SYN2: variants seen among roughly 807,000 people sequenced by gnomAD.
SYN2 encodes synapsin-2.
Under a neutral mutation model 50.9 loss-of-function variants are expected in SYN2, and 19 were observed. The ratio of observed to expected loss-of-function variants is 0.37; its 90% CI spans 0.26 to 0.55. SYN2 has a LOEUF of 0.55. Among genes scored for constraint, SYN2 ranks in the 20% least tolerant of loss-of-function variants. SYN2 has a pLI of 0.81. For synonymous variants in SYN2, 255 were observed against 224.9 expected, an observed-to-expected ratio of 1.13 and a Z score of -1.20; for missense variants, 587 against 576.4, an observed-to-expected ratio of 1.02 and a Z score of -0.19.
rs1051912290 is a variant in SYN2, at chr3:12,191,201, ATATTCGG to A, written c.*577_*583del. 67 of 984,276 alleles carry A rather than the reference ATATTCGG, an allele frequency of 6.8e-5. No individual in the cohort carries two copies. The highest frequency in any genetic ancestry group is 7.4e-5 in the Non-Finnish European group (61 of 829,030). 61.0% of individuals were successfully genotyped at this position (984,276 alleles called of 1,614,324 possible). A position where few individuals can be genotyped will look rare whatever the true frequency, so the allele number is the denominator to read the frequency against. The stretch of plus-strand genomic sequence containing the variant: ...GTGGTGAAGCACCTTGAGTCTGCTG[ATATTCGG>A]GAGAACAAGGATCTGCAGTTTCCCC... On this transcript the variant is annotated 3_prime_UTR_variant, in exon 13 of 13. Coordinates refer to ENST00000621198, the MANE Select transcript of SYN2 (RefSeq NM_133625.6).
intron 1 of SYN2, among the ~76,000 whole-genome samples, chr3:12,012,080 T>C (rs1003787905): frequency 6.6e-6 from 1 of 152,194 alleles, no homozygotes; most frequent in African/African-American, 2.4e-5. Flanking sequence ...TTTTTGTTGT[T>C]GTTATTTAGT....
chr3:12,065,691 G>A (rs924332580), intron 1 of SYN2, among the ~76,000 whole-genome samples: 2 of 152,186 alleles, frequency 1.3e-5, no homozygotes, highest in African/African-American at 2.4e-5. Flanking sequence ...TAGACACTGG[G>A]GACTACTTGA....
At chr3:12,142,023 A>T in intron 3 of SYN2, 27 bp downstream of exon 3, 1 of 780,234 alleles carries the variant, frequency 1.3e-6, no homozygotes. Flanking sequence ...CCTCAGGATC[A>T]TTGTGACTGT....
At position 12,151,332 on chromosome 3, in the gene SYN2, TG is replaced by T; in HGVS notation, c.774+8del. On this transcript the variant is annotated splice_region_variant and intron_variant, in intron 5 of 12. Transcript: ENST00000621198. ...ACCCCAACCACAAAGAGATGGTAAG[TG>T]GCTCAGTGGGGACATTAGTCTTTCT... The T allele has an allele frequency of 1.2e-6, 2 of 1,607,802 alleles. No individual in the cohort carries two copies. The highest frequency in any genetic ancestry group is 2.2e-5 in the South Asian group (2 of 90,264).
intron 1 of SYN2, among the ~76,000 whole-genome samples, chr3:12,119,721 C>T (rs1696510667): frequency 6.6e-6 from 1 of 152,140 alleles, no homozygotes; most frequent in Non-Finnish European, 1.5e-5. Context: ...GTCAGGAAAG[C>T]TTTTGGGATC....
chr3:12,141,331 C>T (rs893956725), intron 2 of SYN2, among the ~76,000 whole-genome samples: 2 of 151,990 alleles, frequency 1.3e-5, no homozygotes, highest in Admixed American at 1.3e-4. Context: ...AGTTTCTCAT[C>T]ATTCATTATA....
rs76011912 is a variant in SYN2, at chr3:12,115,512, A to G, written c.378-25139A>G. Among the ~76,000 whole-genome samples, 441 of 152,310 alleles carry G rather than the reference A, an allele frequency of 2.9e-3. 3 individuals are homozygous for G. The highest frequency in any genetic ancestry group is 9.8e-3 in the African/African-American group (408 of 41,570). On this transcript the variant is annotated intron_variant, in intron 1 of 12. Transcript: ENST00000621198. ...TGTGAAAAGCGTGAATTTTTGTGCC[A>G]TATATCAGATGAAACCTTCTAGGAT...
At chr3:12,184,345 A>C (rs1188573514) in intron 11 of SYN2, 1 of 985,732 alleles carries the variant, frequency 1.0e-6, no homozygotes, top group Non-Finnish European at 1.2e-6. Context: ...TGTGGACCTG[A>C]GGCTGCTTTC....
intron 1 of SYN2, among the ~76,000 whole-genome samples, chr3:12,054,352 A>C (rs967792812): frequency 2.6e-5 from 4 of 152,168 alleles, no homozygotes; most frequent in Non-Finnish European, 4.4e-5. Context: ...AAGATCCTAC[A>C]TAGTGGCACT....
chr3:12,156,120 G>A (rs1227219352), intron 5 of SYN2, among the ~76,000 whole-genome samples: 1 of 152,192 alleles, frequency 6.6e-6, no homozygotes, highest in Non-Finnish European at 1.5e-5. Flanking sequence ...TGCTGAATGT[G>A]TGGATAGATC....
At chr3:12,152,615 C>T (rs1036378721) in intron 5 of SYN2, among the ~76,000 whole-genome samples, 9 of 152,146 alleles carry the variant, frequency 5.9e-5, no homozygotes, top group African/African-American at 9.7e-5. Flanking sequence ...TATTTCTCTC[C>T]GGTGCTCTAT....
intron 10 of SYN2, among the ~76,000 whole-genome samples, chr3:12,176,826 A>G (rs1421277142): frequency 5.9e-5 from 9 of 152,244 alleles, no homozygotes; most frequent in Non-Finnish European, 1.3e-4. Flanking sequence ...AACTGATTCC[A>G]AAAGGCAAAT....
intron 1 of SYN2, among the ~76,000 whole-genome samples, chr3:12,016,521 A>T (rs529452465): frequency 5.3e-5 from 8 of 152,342 alleles, no homozygotes; most frequent in African/African-American, 1.9e-4. Context: ...TTGTGTCACC[A>T]TAGGCAGTTT....
At chr3:12,074,974 T>C (rs1293797916) in intron 1 of SYN2, among the ~76,000 whole-genome samples, 1 of 152,188 alleles carries the variant, frequency 6.6e-6, no homozygotes, top group South Asian at 2.1e-4. Context: ...TCTTTCTTGT[T>C]ATCAAAGGAA....
intron 1 of SYN2, among the ~76,000 whole-genome samples, chr3:12,060,658 C>T (rs1695094188): frequency 6.6e-6 from 1 of 152,060 alleles, no homozygotes; most frequent in Non-Finnish European, 1.5e-5. Flanking sequence ...CAGGGAAGCC[C>T]AAAGACAACA....
intron 9 of SYN2, 127 bp from the exon 10 acceptor site, chr3:12,169,630 A>G (rs1697891511): frequency 6.9e-6 from 7 of 1,016,072 alleles, no homozygotes; most frequent in Non-Finnish European, 4.3e-6. Flanking sequence ...TTCCAGCTGA[A>G]GAGAAGAACT....
chr3:12,050,836 C>T (rs910858522), intron 1 of SYN2, among the ~76,000 whole-genome samples: 17 of 143,128 alleles, frequency 1.2e-4, no homozygotes, highest in South Asian at 7.0e-4. Flanking sequence ...CCCGGGTTCA[C>T]GCCATTCTCC....
At position 12,109,647 on chromosome 3, in the gene SYN2, T is replaced by C. The variant is rs114683565; in HGVS notation, c.378-31004T>C. Among the ~76,000 whole-genome samples, 813 of 152,286 alleles carry C rather than the reference T, an allele frequency of 5.3e-3. 11 individuals carry two copies. The highest frequency in any genetic ancestry group is 0.019 in the African/African-American group (770 of 41,556). ...CCTTCCACCTCCAAATTTCCTTGAT[T>C]TTTTTCTTGACACCAGCCTTTTCCT... is the stretch of plus-strand genomic sequence containing the variant. On this transcript the variant is annotated intron_variant, in intron 1 of 12. Transcript: ENST00000621198.
intron 4 of SYN2, among the ~76,000 whole-genome samples, chr3:12,150,753 T>G (rs1167846167): frequency 6.6e-6 from 1 of 152,220 alleles, no homozygotes; most frequent in Non-Finnish European, 1.5e-5. Context: ...TCTTGGTGAT[T>G]CCATACTGCT....
Sources: gnomAD v4.1 joint callset for allele counts (sites outside exome capture counted in the v4.1 genomes callset) on GRCh38, gnomAD v4.1.1 for gene constraint, MANE v1.5 for transcripts, NCBI Gene and HGNC (gene_info 2026-07-23, HGNC 2026-07-21) for gene names.